Variants in EDEM3 observed in about 807,000 individuals in gnomAD.
The protein encoded by EDEM3 is ER degradation enhancing alpha-mannosidase like protein 3.
EDEM3 carries 60 observed loss-of-function variants against 110.2 expected under a neutral mutation model. The observed-to-expected ratio is 0.54, with a 90% CI of 0.44 to 0.67. The LOEUF (loss-of-function observed/expected upper bound fraction) is 0.67. EDEM3 is among the 30% of genes least tolerant of loss of function. The pLI is 0.00. For synonymous variants in EDEM3, 352 were observed against 382.9 expected, an observed-to-expected ratio of 0.92 and a Z score of 0.94; for missense variants, 996 against 1,121.0, an observed-to-expected ratio of 0.89 and a Z score of 1.59.
intron 1 of EDEM3, among the ~76,000 whole-genome samples, chr1:184,751,839 C>T (rs1347473848): frequency 6.6e-6 from 1 of 152,156 alleles, no homozygotes; most frequent in Non-Finnish European, 1.5e-5. Context: ...CTGCAACCTT[C>T]GCCTCCAGGT....
At position 184,690,264 on chromosome 1, in the gene EDEM3, A is replaced by C. The variant is rs115789515; in HGVS notation, c.*3799T>G. ...TATACACAATTCTAGAGTTTTATTC[A>C]CTTAGCATTACCTTTGTGCATGCTA... On this transcript the variant is annotated 3_prime_UTR_variant, in exon 20 of 20. Transcript: ENST00000318130. 1 of 152,246 alleles carries C rather than the reference A, an allele frequency of 6.6e-6. No individual in the cohort carries two copies. Among genetic ancestry groups the C allele is most frequent in the Non-Finnish European group, 1.5e-5 (1 of 68,020 alleles). 9.4% of individuals were successfully genotyped at this position (152,246 alleles called of 1,614,324 possible). A position where few individuals can be genotyped will look rare whatever the true frequency, so the allele number is the denominator to read the frequency against.
Position 184,749,555 on chromosome 1 carries a change from T to C in EDEM3, c.196A>G (p.Asn66Asp). The change falls in exon 2 of 20, where the codon AAC (asparagine) becomes GAC (aspartate). Residue 66 changes from asparagine (N) to aspartate (D), a missense_variant. Transcript: ENST00000318130. ...VLEMFDHAYG[N>D]YMEHAYPADE... ...ATAAGCTTCCTACTTACCATATAGT[T>C]ACCATAAGCATGATCAAACATTTCC... 6.3e-7 allele frequency: 1 copy of C among 1,575,120 alleles called. No individual in the cohort carries two copies. The highest frequency in any genetic ancestry group is 8.6e-7 in the Non-Finnish European group (1 of 1,160,246).
intron 5 of EDEM3, among the ~76,000 whole-genome samples, chr1:184,734,266 C>CG (rs1354843129): frequency 6.6e-6 from 1 of 152,086 alleles, no homozygotes; most frequent in Non-Finnish European, 1.5e-5. Flanking sequence ...GTCAGGCATT[C>CG]GGGACCAGCC....
intron 2 of EDEM3, among the ~76,000 whole-genome samples, chr1:184,744,678 G>A (rs1652331995): frequency 6.6e-6 from 1 of 151,928 alleles, no homozygotes; most frequent in African/African-American, 2.4e-5. Context: ...TCATTAAATG[G>A]TGAATGGACA....
intron 5 of EDEM3, among the ~76,000 whole-genome samples, chr1:184,733,219 G>A (rs1256423123): frequency 2.0e-5 from 3 of 152,036 alleles, no homozygotes; most frequent in Admixed American, 1.3e-4. Context: ...AGTGTTCTGC[G>A]TTCTTAAATA....
intron 6 of EDEM3, among the ~76,000 whole-genome samples, chr1:184,727,872 C>A (rs958067202): frequency 2.6e-5 from 4 of 152,128 alleles, no homozygotes. Flanking sequence ...CTCCTGCCCC[C>A]TTATGCTGCC....
chr1:184,698,808 GAGA>G (rs1337814817), intron 19 of EDEM3, among the ~76,000 whole-genome samples: 1 of 151,784 alleles, frequency 6.6e-6, no homozygotes, highest in South Asian at 2.1e-4. Context: ...GAGAGACAGA[GAGA>G]AGAACTTTGA....
chr1:184,732,179 C>A (rs1417484438), intron 6 of EDEM3, among the ~76,000 whole-genome samples: 3 of 151,702 alleles, frequency 2.0e-5, no homozygotes, highest in South Asian at 2.1e-4. Flanking sequence ...CCATTCCCCC[C>A]CACCAAAAAA....
chr1:184,720,132 G>T (rs1208296283), intron 9 of EDEM3, among the ~76,000 whole-genome samples: 1 of 152,008 alleles, frequency 6.6e-6, no homozygotes, highest in Non-Finnish European at 1.5e-5. Flanking sequence ...TTTGACAAAA[G>T]GTTGAGTTGT....
In EDEM3 at chr1:184,703,126, A is replaced by C. The variant is rs943519758; in HGVS notation, c.2204-130T>G. On this transcript the variant is annotated intron_variant, in intron 18 of 19. Coordinates refer to ENST00000318130, the MANE Select transcript of EDEM3 (RefSeq NM_025191.4). ...ATCAAGAACCATAAAAACCAACATA[A>C]TTTTTGGACCCATTAATTCTCATAG... is the stretch of plus-strand genomic sequence containing the variant. The C allele has an allele frequency of 8.0e-6, 6 of 753,084 alleles. No homozygotes were observed. In the African/African-American group the frequency reaches 9.2e-5, roughly 12 times the overall value. 46.7% of individuals were successfully genotyped at this position (753,084 alleles called of 1,614,324 possible).
At chr1:184,731,526 C>T (rs889101862) in intron 6 of EDEM3, among the ~76,000 whole-genome samples, 1 of 152,176 alleles carries the variant, frequency 6.6e-6, no homozygotes, top group Non-Finnish European at 1.5e-5. Context: ...TAATACTGTA[C>T]ACTACACTAC....
At chr1:184,714,820 T>C (rs914506018) in intron 13 of EDEM3, among the ~76,000 whole-genome samples, 4 of 152,196 alleles carry the variant, frequency 2.6e-5, no homozygotes, top group Non-Finnish European at 5.9e-5. Flanking sequence ...AAAACTTGGC[T>C]GCTCAAAGGC....
chr1:184,747,314 C>A (rs1199509516), intron 2 of EDEM3, among the ~76,000 whole-genome samples: 4 of 152,160 alleles, frequency 2.6e-5, no homozygotes, highest in Non-Finnish European at 5.9e-5. Context: ...CTTCTAACTC[C>A]AAAACCTATA....
chr1:184,731,541 C>T lies in EDEM3; in HGVS notation c.612+1296G>A, dbSNP rs117699039. Among the ~76,000 whole-genome samples the T allele has an allele frequency of 3.5e-4, 54 of 152,286 alleles. 1 individual carries two copies. In the East Asian group the frequency reaches 8.9e-3, roughly 25 times the overall value. On this transcript the variant is annotated intron_variant, in intron 6 of 19. Transcript: ENST00000318130. ...TAATACTGTACACTACACTACTTCA[C>T]GGTTCTCCTCTTAAATCTCTGTGTA...
intron 16 of EDEM3, among the ~76,000 whole-genome samples, chr1:184,708,614 C>T (rs1248567134): frequency 6.6e-6 from 1 of 152,192 alleles, no homozygotes; most frequent in Non-Finnish European, 1.5e-5. Context: ...GGACTTCTAG[C>T]GAATGCTCAA....
chr1:184,754,350 C>G (rs1652966826), intron 1 of EDEM3, 139 bp downstream of exon 1: 13 of 1,364,682 alleles, frequency 9.5e-6, no homozygotes, highest in Non-Finnish European at 1.2e-5. Flanking sequence ...ACCCTGTCCA[C>G]CCCTCTAGGG....
chr1:184,703,055 T>C (rs1649716516), intron 18 of EDEM3, 59 bp from the exon 19 acceptor site: 1 of 1,246,302 alleles, frequency 8.0e-7, no homozygotes, highest in South Asian at 1.9e-5. Context: ...AAGATCTATC[T>C]ACTAATTGTT....
intron 6 of EDEM3, among the ~76,000 whole-genome samples, chr1:184,732,402 T>C (rs1651580312): frequency 6.6e-6 from 1 of 152,090 alleles, no homozygotes; most frequent in Admixed American, 6.6e-5. Flanking sequence ...CAGTATTTAA[T>C]AGCACAACAG....
At chr1:184,752,360 T>C (rs774571532) in intron 1 of EDEM3, among the ~76,000 whole-genome samples, 9 of 152,182 alleles carry the variant, frequency 5.9e-5, no homozygotes, top group Non-Finnish European at 1.2e-4. Context: ...TGAATCATTA[T>C]TTGGGCTTTA....
Sources: gnomAD v4.1 joint callset for allele counts (sites outside exome capture counted in the v4.1 genomes callset) on GRCh38, gnomAD v4.1.1 for gene constraint, MANE v1.5 for transcripts, NCBI Gene and HGNC (gene_info 2026-07-23, HGNC 2026-07-21) for gene names.